Variants in RPH3A observed in about 807,000 individuals in gnomAD.
The protein encoded by RPH3A is rabphilin 3A.
Under a neutral mutation model 102.2 loss-of-function variants are expected in RPH3A, and 48 were observed. That is an observed-to-expected ratio of 0.47 (90% CI 0.37 to 0.60). The LOEUF (loss-of-function observed/expected upper bound fraction) is 0.60. Ranked by LOEUF, RPH3A falls within the 20% of genes least tolerant of loss-of-function variation. The pLI is 0.00. For synonymous variants in RPH3A, 310 were observed against 324.3 expected (o/e 0.96, Z 0.47); for missense variants, 781 against 910.1 (o/e 0.86, Z 1.83).
chr12:112,878,020 C>T (rs2042838103), intron 13 of RPH3A, among the ~76,000 whole-genome samples: 1 of 152,160 alleles, frequency 6.6e-6, no homozygotes, highest in South Asian at 2.1e-4. Context: ...CCAGTCAGTT[C>T]AAGGAGGGGC....
chr12:112,613,090 C>A (rs2039651361), intron 1 of RPH3A, among the ~76,000 whole-genome samples: 1 of 152,162 alleles, frequency 6.6e-6, no homozygotes, highest in Non-Finnish European at 1.5e-5. Flanking sequence ...CCTCATTTAA[C>A]CTGCACAACA....
intron 1 of RPH3A, among the ~76,000 whole-genome samples, chr12:112,773,377 C>T (rs116264546): frequency 0.023 from 3,465 of 152,024 alleles, 137 homozygotes; most frequent in African/African-American, 0.08. Flanking sequence ...CCTCCTTTTC[C>T]ATTACAGGGC....
At chr12:112,720,154 G>A (rs2040541280) in intron 1 of RPH3A, among the ~76,000 whole-genome samples, 1 of 152,248 alleles carries the variant, frequency 6.6e-6, no homozygotes, top group Non-Finnish European at 1.5e-5. Context: ...ATGATTGGCA[G>A]TGAGACCCTT....
In RPH3A at chr12:112,833,816, A is replaced by G. The variant is rs560479376; in HGVS notation, c.72-2675A>G. The stretch of plus-strand genomic sequence containing the variant: ...ACAACCATAGCTCACTTTAGCTTTG[A>G]CCGCCCAGGCTCAAACAATCCTCCC... On this transcript the variant is annotated intron_variant, in intron 3 of 21. Transcript: ENST00000389385. Among the ~76,000 whole-genome samples the G allele has an allele frequency of 2.6e-5, 4 of 151,730 alleles. No individual in the cohort carries two copies. The South Asian group carries it at 8.3e-4, about 32-fold the overall frequency.
At chr12:112,857,634 C>T (rs1201902627) in intron 5 of RPH3A, among the ~76,000 whole-genome samples, 2 of 152,164 alleles carry the variant, frequency 1.3e-5, no homozygotes, top group Non-Finnish European at 2.9e-5. Flanking sequence ...GTCAATGCCT[C>T]CACTTTAGCC....
chr12:112,867,492 C>T (rs538326782), intron 7 of RPH3A, among the ~76,000 whole-genome samples: 5 of 152,234 alleles, frequency 3.3e-5, no homozygotes, highest in African/African-American at 1.2e-4. Context: ...TGGCACACTT[C>T]AGTAGGATAA....
At position 112,897,849 on chromosome 12, in the gene RPH3A, ACT is replaced by A. The variant is rs1344255502; in HGVS notation, c.*1075_*1076del. 6.6e-6 allele frequency: 1 copy of A among 150,632 alleles called. No individual in the cohort carries two copies. Among genetic ancestry groups the A allele is most frequent in the East Asian group, 2.0e-4 (1 of 5,104 alleles). 9.3% of individuals were successfully genotyped at this position (150,632 alleles called of 1,614,324 possible). A position where few individuals can be genotyped will look rare whatever the true frequency, so the allele number is the denominator to read the frequency against. Reference sequence around the variant, plus strand: ...AAGCTGTGTAGATGCCCCATAGAGGACTCTCTCATCCGTGGGCTCCCCGGGTG... The same window carrying A: ...AAGCTGTGTAGATGCCCCATAGAGGACTCTCATCCGTGGGCTCCCCGGGTG... On this transcript the variant is annotated 3_prime_UTR_variant, in exon 22 of 22. Transcript: ENST00000389385.
At chr12:112,813,946 T>TTGTGTGTG (rs112069714) in intron 2 of RPH3A, among the ~76,000 whole-genome samples, 27 of 148,588 alleles carry the variant, frequency 1.8e-4, no homozygotes, top group Admixed American at 6.0e-4. Context: ...GTTTGTATGA[T>TTGTGTGTG]TGTGTGTGTG....
At chr12:112,710,793 C>T (rs2040455471) in intron 1 of RPH3A, among the ~76,000 whole-genome samples, 1 of 152,182 alleles carries the variant, frequency 6.6e-6, no homozygotes, top group Non-Finnish European at 1.5e-5. Context: ...AAAAATCTTT[C>T]CCTTCCCTTT....
intron 1 of RPH3A, among the ~76,000 whole-genome samples, chr12:112,616,792 G>C (rs1329313111): frequency 1.3e-5 from 2 of 152,212 alleles, no homozygotes; most frequent in Admixed American, 6.5e-5. Context: ...GTGATCAGCT[G>C]TCAGATGCCT....
chr12:112,809,968 T>C (rs752766825), intron 2 of RPH3A, among the ~76,000 whole-genome samples: 2 of 152,208 alleles, frequency 1.3e-5, no homozygotes, highest in African/African-American at 4.8e-5. Flanking sequence ...CAGTTCTATA[T>C]GATAAGAGCT....
upstream of RPH3A, among the ~76,000 whole-genome samples, chr12:112,789,636 A>G (rs1345868270): frequency 6.6e-6 from 1 of 152,168 alleles, no homozygotes; most frequent in Non-Finnish European, 1.5e-5. Context: ...AGTTCCTAGC[A>G]GAAGAGCTGG....
chr12:112,631,268 A>C (rs1401887476), intron 1 of RPH3A, among the ~76,000 whole-genome samples: 1 of 152,140 alleles, frequency 6.6e-6, no homozygotes, highest in Non-Finnish European at 1.5e-5. Context: ...ACTTTGCTGA[A>C]GATTTCACAG....
chr12:112,629,386 G>A (rs1641329677), intron 1 of RPH3A, among the ~76,000 whole-genome samples: 1 of 100,418 alleles, frequency 1.0e-5, no homozygotes. Context: ...ATTAGCTGCT[G>A]ATGTTTGCTT....
intron 1 of RPH3A, among the ~76,000 whole-genome samples, chr12:112,667,992 C>T (rs1300717655): frequency 6.6e-6 from 1 of 152,170 alleles, no homozygotes; most frequent in Non-Finnish European, 1.5e-5. Context: ...CTTCAGACTT[C>T]AGATCAAATG....
intron 1 of RPH3A, among the ~76,000 whole-genome samples, chr12:112,736,596 T>G (rs1274122366): frequency 6.6e-6 from 1 of 152,162 alleles, no homozygotes; most frequent in Non-Finnish European, 1.5e-5. Flanking sequence ...TTAACGACCC[T>G]TGGGATAAGA....
chr12:112,717,402 G>T (rs1041508262), intron 1 of RPH3A, among the ~76,000 whole-genome samples: 1 of 152,048 alleles, frequency 6.6e-6, no homozygotes, highest in African/African-American at 2.4e-5. Context: ...ATGAAATATT[G>T]TAATATACAT....
intron 2 of RPH3A, among the ~76,000 whole-genome samples, chr12:112,795,267 T>C (rs907900832): frequency 5.9e-5 from 9 of 152,306 alleles, no homozygotes; most frequent in Middle Eastern, 3.4e-3. Flanking sequence ...GGGGAGCTGA[T>C]TGTAATTGCA....
chr12:112,667,704 GA>G (rs2040096863), intron 1 of RPH3A, among the ~76,000 whole-genome samples: 1 of 140,836 alleles, frequency 7.1e-6, no homozygotes. Flanking sequence ...GAGAGAGAGA[GA>G]GAGAGAGAGA....
Sources: allele counts gnomAD v4.1 joint callset (sites outside exome capture counted in the v4.1 genomes callset), GRCh38; gene constraint gnomAD v4.1.1; transcripts MANE v1.5; gene names NCBI Gene and HGNC (gene_info 2026-07-23, HGNC 2026-07-21).